SH2D4B: variants seen among roughly 807,000 people sequenced by gnomAD.
SH2D4B encodes the protein SH2 domain containing 4B.
Under a neutral mutation model 61.5 loss-of-function variants are expected in SH2D4B, and 45 were observed. The observed-to-expected ratio is 0.73, with a 90% CI of 0.58 to 0.94. The LOEUF (loss-of-function observed/expected upper bound fraction) is 0.94, where lower values mean the gene tolerates loss of function less well. SH2D4B is among the 40% of genes least tolerant of loss of function. The pLI is 0.00. For missense variants in SH2D4B, 572 were observed against 574.2 expected (o/e 1.00, Z 0.04); for synonymous variants, 224 against 220.4 (o/e 1.02, Z -0.14).
At chr10:80,590,477 A>G (rs1321748349) in intron 4 of SH2D4B, among the ~76,000 whole-genome samples, 1 of 152,212 alleles carries the variant, frequency 6.6e-6, no homozygotes, top group Non-Finnish European at 1.5e-5. Flanking sequence ...GAAAATACAG[A>G]AAATGAAAAG....
Position 80,589,000 on chromosome 10 carries a change from C to CTTTTTCTTT in SH2D4B, c.643+228_643+229insCTTTTTTTT, listed in dbSNP as rs534237635. On this transcript the variant is annotated intron_variant, in intron 4 of 7. Coordinates refer to ENST00000646907, the MANE Select transcript of SH2D4B (RefSeq NM_001388272.1). ...GTTGGGGATATTTCTTTTTCTTTTTCTTTTTTTTTTTGTTCTTTTTTGAGA... is the reference window on the plus strand; with the variant it reads ...GTTGGGGATATTTCTTTTTCTTTTTCTTTTTCTTTTTTTTTTTTTTGTTCTTTTTTGAGA... Among the ~76,000 whole-genome samples the CTTTTTCTTT allele has an allele frequency of 2.4e-3, 357 of 147,160 alleles. 1 individual carries two copies. The highest frequency in any genetic ancestry group is 8.5e-3 in the African/African-American group (340 of 40,128).
chr10:80,609,372 GCT>G, intron 5 of SH2D4B, 50 bp from the exon 6 acceptor site: 1 of 1,344,178 alleles, frequency 7.4e-7, no homozygotes, highest in Non-Finnish European at 9.8e-7. Flanking sequence ...CTCTCCCTCC[GCT>G]CTTTCTCCCT....
At chr10:80,585,579 T>G (rs1487194395) in intron 3 of SH2D4B, among the ~76,000 whole-genome samples, 2 of 152,208 alleles carry the variant, frequency 1.3e-5, no homozygotes, top group African/African-American at 4.8e-5. Context: ...CCTCCCAAAG[T>G]GCTGGGATTA....
intron 1 of SH2D4B, among the ~76,000 whole-genome samples, chr10:80,563,581 T>C (rs1830182892): frequency 6.6e-6 from 1 of 152,228 alleles, no homozygotes; most frequent in African/African-American, 2.4e-5. Context: ...AATACATCAT[T>C]ATTTTTCATT....
rs943687142 is a variant in SH2D4B, at chr10:80,581,036, A to G, written c.496-7594A>G. On this transcript the variant is annotated intron_variant, in intron 3 of 7. Coordinates refer to ENST00000646907, the MANE Select transcript of SH2D4B (RefSeq NM_001388272.1). ...CTTTGAGCGTTATTTTAGCAAGACC[A>G]TGTGTAATGCAACAGTAGTTGCAAA... Among the ~76,000 whole-genome samples the G allele has an allele frequency of 5.3e-5, 8 of 152,224 alleles. 1 individual carries two copies. The South Asian group carries it at 1.4e-3, about 28-fold the overall frequency.
chr10:80,571,353 G>A, intron 2 of SH2D4B, 78 bp from the exon 3 acceptor site: 4 of 1,503,418 alleles, frequency 2.7e-6, no homozygotes, highest in Non-Finnish European at 3.6e-6. Flanking sequence ...ATTGCTCATT[G>A]TTTTTATTTC....
At chr10:80,546,682 C>T (rs1350843200) in intron 1 of SH2D4B, among the ~76,000 whole-genome samples, 11 of 152,138 alleles carry the variant, frequency 7.2e-5, no homozygotes, top group African/African-American at 2.4e-4. Context: ...CCCACCACCG[C>T]GCCCGGCTAA....
chr10:80,583,941 T>C (rs1340062825), intron 3 of SH2D4B, among the ~76,000 whole-genome samples: 1 of 152,198 alleles, frequency 6.6e-6, no homozygotes, highest in Non-Finnish European at 1.5e-5. Flanking sequence ...AGAACATTGG[T>C]GTTAAAGAGA....
chr10:80,578,729 G>A (rs761648341), intron 3 of SH2D4B, among the ~76,000 whole-genome samples: 7 of 152,170 alleles, frequency 4.6e-5, no homozygotes, highest in Non-Finnish European at 1.0e-4. Context: ...TGAAGTTTTA[G>A]GAGCACCACT....
rs1485346642 is a variant in SH2D4B, at chr10:80,609,497, C to T, written c.934C>T (p.Pro312Ser). The change falls in exon 6 of 8, where the codon CCT becomes TCT. Residue 312 changes from proline (P) to serine (S), a missense_variant. Transcript: ENST00000646907. ...IVRWFKEEQL[P>S]RRAGFERNTK... ...CCGCTGGTTTAAGGAGGAGCAGCTG[C>T]CTCGCCGAGCTGGCTTCGAGAGGAA... 6.2e-7 allele frequency: 1 copy of T among 1,614,222 alleles called. No individual in the cohort carries two copies. The highest frequency in any genetic ancestry group is 8.5e-7 in the Non-Finnish European group (1 of 1,180,046).
chr10:80,551,664 A>T (rs976757748), intron 1 of SH2D4B, among the ~76,000 whole-genome samples: 9 of 152,182 alleles, frequency 5.9e-5, no homozygotes, highest in Non-Finnish European at 1.2e-4. Flanking sequence ...GAGTTAGGAG[A>T]GTCTAAGAGT....
At chr10:80,578,213 C>T (rs199895091) in intron 3 of SH2D4B, among the ~76,000 whole-genome samples, 7 of 152,098 alleles carry the variant, frequency 4.6e-5, no homozygotes, top group Admixed American at 6.5e-5. Context: ...TCAAGCAATC[C>T]GCCCATGTCA....
intron 7 of SH2D4B, among the ~76,000 whole-genome samples, chr10:80,640,468 T>A (rs1008259709): frequency 6.6e-6 from 1 of 152,234 alleles, no homozygotes; most frequent in Non-Finnish European, 1.5e-5. Context: ...CCCATATTTC[T>A]TGGAGGCTTT....
chr10:80,629,902 C>G (rs573069672), intron 6 of SH2D4B, among the ~76,000 whole-genome samples: 25 of 152,326 alleles, frequency 1.6e-4, no homozygotes, highest in African/African-American at 5.8e-4. Flanking sequence ...TGTCCATGCT[C>G]TTCATCACTG....
At chr10:80,558,905 A>G (rs1841870043) in intron 1 of SH2D4B, among the ~76,000 whole-genome samples, 1 of 152,058 alleles carries the variant, frequency 6.6e-6, no homozygotes, top group Non-Finnish European at 1.5e-5. Flanking sequence ...TATTTAAGAA[A>G]CCCTTGTTTC....
intron 6 of SH2D4B, among the ~76,000 whole-genome samples, chr10:80,610,939 G>T (rs1217972540): frequency 6.6e-6 from 1 of 152,138 alleles, no homozygotes; most frequent in Admixed American, 6.5e-5. Context: ...GGGAGGCTGA[G>T]GCAGGAGGAT....
At chr10:80,621,258 A>T (rs757980107) in intron 6 of SH2D4B, among the ~76,000 whole-genome samples, 6 of 152,254 alleles carry the variant, frequency 3.9e-5, no homozygotes, top group Non-Finnish European at 8.8e-5. Context: ...AACATCCTGC[A>T]GTGCACAAGG....
At chr10:80,618,365 G>A (rs1842682200) in intron 6 of SH2D4B, among the ~76,000 whole-genome samples, 1 of 152,194 alleles carries the variant, frequency 6.6e-6, no homozygotes, top group Non-Finnish European at 1.5e-5. Context: ...AGGTCAGCTT[G>A]GAGCAGACAT....
intron 4 of SH2D4B, among the ~76,000 whole-genome samples, chr10:80,597,397 G>A (rs1278710599): frequency 6.6e-6 from 1 of 152,222 alleles, no homozygotes; most frequent in Non-Finnish European, 1.5e-5. Flanking sequence ...CAGGCACAAT[G>A]ACTCATGCCT....
Sources: allele counts gnomAD v4.1 joint callset (sites outside exome capture counted in the v4.1 genomes callset), GRCh38; gene constraint gnomAD v4.1.1; transcripts MANE v1.5; gene names NCBI Gene and HGNC (gene_info 2026-07-23, HGNC 2026-07-21).